Variants in ATP8A2 observed in about 807,000 individuals in gnomAD.
ATP8A2 encodes the protein phospholipid-transporting ATPase IB.
ATP8A2 carries 100 observed loss-of-function variants against 165.6 expected under a neutral mutation model. That is an observed-to-expected ratio of 0.60 (90% confidence interval 0.51 to 0.71). The LOEUF is 0.71. Among genes scored for constraint, ATP8A2 ranks in the 30% least tolerant of loss-of-function variants. The pLI is 0.00. For missense variants in ATP8A2, 1,227 were observed against 1,479.5 expected (o/e 0.83, Z 2.80); for synonymous variants, 543 against 548.8 (o/e 0.99, Z 0.15).
chr13:25,759,002 G>A (rs1171146150), intron 25 of ATP8A2, among the ~76,000 whole-genome samples: 2 of 151,874 alleles, frequency 1.3e-5, no homozygotes, highest in Non-Finnish European at 2.9e-5. Flanking sequence ...GAGAGAGAAA[G>A]GAAAGAAGGA....
chr13:25,991,616 A>T (rs114927986), intron 35 of ATP8A2, among the ~76,000 whole-genome samples: 20 of 152,336 alleles, frequency 1.3e-4, no homozygotes, highest in African/African-American at 4.8e-4. Flanking sequence ...TTTGTTAGTG[A>T]CATTTTCTTT....
At chr13:25,435,965 GTGTGTGTA>G (rs1347307291) in intron 1 of ATP8A2, among the ~76,000 whole-genome samples, 4 of 116,788 alleles carry the variant, frequency 3.4e-5, no homozygotes, top group African/African-American at 8.4e-5. Flanking sequence ...GTGTGTGTGT[GTGTGTGTA>G]TGTGTGTGTG....
intron 1 of ATP8A2, among the ~76,000 whole-genome samples, chr13:25,416,002 A>AT (rs2034122197): frequency 6.6e-6 from 1 of 152,042 alleles, no homozygotes. Flanking sequence ...TATTTTTAAA[A>AT]TTTTTTGTAG....
intron 24 of ATP8A2, among the ~76,000 whole-genome samples, chr13:25,620,442 A>G (rs1307050479): frequency 6.6e-6 from 1 of 152,214 alleles, no homozygotes; most frequent in Non-Finnish European, 1.5e-5. Flanking sequence ...CAGCCAACCC[A>G]TACTAAAGGA....
At position 25,591,446 on chromosome 13, in the gene ATP8A2, T is replaced by C. The variant is rs76714221; in HGVS notation, c.2211+1747T>C. 1,006 of 448,114 alleles carry C rather than the reference T, an allele frequency of 2.2e-3. 11 individuals carry two copies. The highest frequency in any genetic ancestry group is 0.018 in the African/African-American group (927 of 50,108). 27.8% of individuals were successfully genotyped at this position (448,114 alleles called of 1,614,324 possible). On this transcript the variant is annotated intron_variant, in intron 24 of 36. Coordinates refer to ENST00000381655, the MANE Select transcript of ATP8A2 (RefSeq NM_016529.6). Reference sequence around the variant, plus strand: ...GACTAGCTCATTTCATGTAACATAATGTCTTCAAGGTTCATCCATATCGGA... The same window carrying C: ...GACTAGCTCATTTCATGTAACATAACGTCTTCAAGGTTCATCCATATCGGA...
chr13:25,574,775 A>C, intron 18 of ATP8A2, 33 bp from the exon 19 acceptor site: 1 of 1,302,018 alleles, frequency 7.7e-7, no homozygotes, highest in Non-Finnish European at 1.1e-6. Flanking sequence ...AATACTTTGC[A>C]CCTCGGTTAA....
At chr13:25,468,254 G>T (rs1566156149) in intron 1 of ATP8A2, among the ~76,000 whole-genome samples, 1 of 152,190 alleles carries the variant, frequency 6.6e-6, no homozygotes, top group Non-Finnish European at 1.5e-5. Flanking sequence ...CGTAACCACA[G>T]AAACAGTAAT....
intron 25 of ATP8A2, among the ~76,000 whole-genome samples, chr13:25,718,007 C>T (rs9553649): frequency 0.15 from 23,081 of 152,096 alleles, 1,849 homozygotes; most frequent in South Asian, 0.18. Context: ...ATGCAAGTCC[C>T]CAGGGTTTCA....
chr13:25,385,663 A>G (rs1322265093), intron 1 of ATP8A2, among the ~76,000 whole-genome samples: 1 of 152,114 alleles, frequency 6.6e-6, no homozygotes, highest in Non-Finnish European at 1.5e-5. Flanking sequence ...ATGCCTTTGG[A>G]CAGTTTAATG....
intron 2 of ATP8A2, among the ~76,000 whole-genome samples, chr13:25,507,493 T>TCA (rs2037087753): frequency 6.6e-6 from 1 of 152,096 alleles, no homozygotes; most frequent in Non-Finnish European, 1.5e-5. Flanking sequence ...CACGAACTCC[T>TCA]GACCTCAGGT....
intron 28 of ATP8A2, among the ~76,000 whole-genome samples, chr13:25,833,468 A>G (rs1016639190): frequency 6.6e-6 from 1 of 152,188 alleles, no homozygotes; most frequent in African/African-American, 2.4e-5. Context: ...AGACTATACT[A>G]TGAAGCCACC....
At chr13:25,819,034 G>A (rs1200798102) in intron 27 of ATP8A2, among the ~76,000 whole-genome samples, 1 of 152,100 alleles carries the variant, frequency 6.6e-6, no homozygotes, top group African/African-American at 2.4e-5. Flanking sequence ...AAAATAACTT[G>A]CCCTCTTCTG....
At chr13:25,910,360 G>A (rs878976832) in intron 33 of ATP8A2, among the ~76,000 whole-genome samples, 1 of 152,114 alleles carries the variant, frequency 6.6e-6, no homozygotes, top group Admixed American at 6.5e-5. Flanking sequence ...TCACGCAGTA[G>A]CGAGCCCTTT....
intron 2 of ATP8A2, 47 bp downstream of exon 2, chr13:25,469,168 T>G (rs758765098): frequency 3.6e-5 from 58 of 1,601,966 alleles, no homozygotes; most frequent in Non-Finnish European, 4.7e-5. Context: ...GAGTCACAGC[T>G]GGGAAGGGGC....
At chr13:25,676,466 T>C (rs2042374338) in intron 24 of ATP8A2, among the ~76,000 whole-genome samples, 1 of 152,110 alleles carries the variant, frequency 6.6e-6, no homozygotes, top group Non-Finnish European at 1.5e-5. Context: ...AACATCTAAT[T>C]GAGTTCTGAG....
At chr13:25,780,660 G>A (rs79047353) in intron 27 of ATP8A2, among the ~76,000 whole-genome samples, 4,187 of 152,194 alleles carry the variant, frequency 0.028, 181 homozygotes, top group African/African-American at 0.096. Context: ...AGGGAAGACA[G>A]TTTTTCCACA....
At chr13:25,476,864 A>G (rs1314165270) in intron 2 of ATP8A2, among the ~76,000 whole-genome samples, 1 of 152,208 alleles carries the variant, frequency 6.6e-6, no homozygotes, top group Non-Finnish European at 1.5e-5. Flanking sequence ...TTTTCGATGT[A>G]CCAGCAGCAA....
intron 2 of ATP8A2, among the ~76,000 whole-genome samples, chr13:25,514,450 C>T (rs920054613): frequency 6.6e-6 from 1 of 152,138 alleles, no homozygotes; most frequent in Non-Finnish European, 1.5e-5. Flanking sequence ...ATGGGGTGCT[C>T]TGTGAGTGCA....
intron 1 of ATP8A2, among the ~76,000 whole-genome samples, chr13:25,427,512 A>C (rs563621116): frequency 1.3e-5 from 2 of 152,182 alleles, no homozygotes; most frequent in African/African-American, 4.8e-5. Context: ...ATTGTCTTAC[A>C]TGAAAGTGGT....
Sources: gnomAD v4.1 joint callset for allele counts (sites outside exome capture counted in the v4.1 genomes callset) on GRCh38, gnomAD v4.1.1 for gene constraint, MANE v1.5 for transcripts, NCBI Gene and HGNC (gene_info 2026-07-23, HGNC 2026-07-21) for gene names.